Variants in RIMS2 observed in about 807,000 individuals in gnomAD.
The protein encoded by RIMS2 is regulating synaptic membrane exocytosis protein 2.
In RIMS2, 59 loss-of-function variants were observed where a neutral mutation model predicts 174.4. The ratio of observed to expected loss-of-function variants is 0.34; its 90% CI spans 0.27 to 0.42. The LOEUF (loss-of-function observed/expected upper bound fraction) is 0.42. RIMS2 is among the 10% of genes least tolerant of loss of function. RIMS2 has a pLI of 1.00. For synonymous variants in RIMS2, 606 were observed against 572.5 expected (o/e 1.06, Z -0.84); for missense variants, 1,620 against 1,666.3 (o/e 0.97, Z 0.48).
intron 1 of RIMS2, among the ~76,000 whole-genome samples, chr8:103,678,651 G>T (rs1027489575): frequency 4.9e-4 from 75 of 152,088 alleles, no homozygotes; most frequent in African/African-American, 1.5e-3. Flanking sequence ...ATAGAACATG[G>T]AAATATTTAT....
intron 19 of RIMS2, among the ~76,000 whole-genome samples, chr8:104,226,559 T>A (rs1385024478): frequency 6.6e-6 from 1 of 152,210 alleles, no homozygotes; most frequent in African/African-American, 2.4e-5. Context: ...CTCTCAGAGC[T>A]TTCAGCCTAA....
At chr8:103,604,574 G>A (rs1336288396) in intron 1 of RIMS2, among the ~76,000 whole-genome samples, 8 of 151,310 alleles carry the variant, frequency 5.3e-5, no homozygotes, top group African/African-American at 9.8e-5. Flanking sequence ...CATTCAATCT[G>A]TAAATTACCT....
intron 4 of RIMS2, among the ~76,000 whole-genome samples, chr8:103,886,971 T>G (rs1327805697): frequency 6.6e-6 from 1 of 151,808 alleles, no homozygotes; most frequent in Admixed American, 6.6e-5. Flanking sequence ...CTTGAGTATT[T>G]CAAAAATATA....
chr8:103,989,496 A>G (rs17817675), intron 17 of RIMS2, 75 bp downstream of exon 19: 114,580 of 717,246 alleles, frequency 0.16, 10,946 homozygotes, highest in Non-Finnish European at 0.2. Context: ...ACCATAAAAT[A>G]TTTTCACATA....
chr8:103,899,460 T>C (rs187765898), intron 4 of RIMS2, among the ~76,000 whole-genome samples: 3 of 151,812 alleles, frequency 2.0e-5, no homozygotes, highest in African/African-American at 7.3e-5. Flanking sequence ...GATTTGCATT[T>C]CTCTGATGGC....
rs150779238 is a variant in RIMS2, at chr8:103,992,451, GT to G, written c.3044+3033del. On this transcript the variant is annotated intron_variant, in intron 17 of 23. Coordinates refer to ENST00000504942, the Ensembl canonical transcript of RIMS2. ...CATGTAGTTTTTTGTTTGTTTGTTT[GT>G]TTGTTTTTTAAGTTTTGTGTAGAAT... Among the ~76,000 whole-genome samples, 1,184 of 151,724 alleles carry G rather than the reference GT, an allele frequency of 7.8e-3. 26 individuals are homozygous for G. Among genetic ancestry groups the G allele is most frequent in the African/African-American group, 0.027 (1,118 of 41,408 alleles).
At chr8:103,651,489 T>C (rs902360414) in intron 1 of RIMS2, among the ~76,000 whole-genome samples, 1 of 152,220 alleles carries the variant, frequency 6.6e-6, no homozygotes, top group East Asian at 1.9e-4. Context: ...TCTCAGAGAA[T>C]TAGAAAGTAG....
chr8:103,640,506 A>C (rs2096206122), intron 1 of RIMS2, among the ~76,000 whole-genome samples: 1 of 152,050 alleles, frequency 6.6e-6, no homozygotes, highest in East Asian at 1.9e-4. Context: ...AAAATGCTAG[A>C]AATTTTCATC....
intron 14 of RIMS2, among the ~76,000 whole-genome samples, chr8:103,949,905 G>A (rs72681397): frequency 0.13 from 19,299 of 152,002 alleles, 1,691 homozygotes; most frequent in Non-Finnish European, 0.19. Flanking sequence ...GATCAGCAAA[G>A]AAAGAAGACA....
intron 1 of RIMS2, among the ~76,000 whole-genome samples, chr8:103,619,535 G>A (rs546977763): frequency 6.6e-6 from 1 of 152,050 alleles, no homozygotes; most frequent in East Asian, 1.9e-4. Flanking sequence ...AAACTTTTAA[G>A]CAGCAGAAAA....
chr8:104,134,549 C>A (rs2098502541), intron 19 of RIMS2, among the ~76,000 whole-genome samples: 1 of 152,192 alleles, frequency 6.6e-6, no homozygotes, highest in African/African-American at 2.4e-5. Flanking sequence ...CCATTGAGTG[C>A]AAAGTTTACT....
chr8:104,223,495 C>T (rs1358237418), intron 19 of RIMS2: 13 of 1,387,440 alleles, frequency 9.4e-6, no homozygotes, highest in Middle Eastern at 2.7e-4. Flanking sequence ...CACGTCTCCT[C>T]CGGGCTGGGT....
At chr8:103,658,590 G>T (rs921217063) in intron 1 of RIMS2, among the ~76,000 whole-genome samples, 1 of 152,088 alleles carries the variant, frequency 6.6e-6, no homozygotes, top group African/African-American at 2.4e-5. Context: ...TCCTGTTTAA[G>T]GACTCCCAGT....
intron 2 of RIMS2, among the ~76,000 whole-genome samples, chr8:103,737,077 C>T (rs1001263897): frequency 6.6e-6 from 1 of 151,418 alleles, no homozygotes; most frequent in African/African-American, 2.4e-5. Context: ...GCATCTCAAA[C>T]TTAATATGCA....
intron 19 of RIMS2, among the ~76,000 whole-genome samples, chr8:104,104,678 G>C (rs1598949033): frequency 6.6e-6 from 1 of 152,152 alleles, no homozygotes; most frequent in Non-Finnish European, 1.5e-5. Flanking sequence ...GGCCAAGGCA[G>C]TTAAATAGCT....
chr8:103,921,718 T>C (rs1334735207), exon 10 of RIMS2: 2 of 1,580,234 alleles, frequency 1.3e-6, no homozygotes, highest in South Asian at 1.1e-5. Flanking sequence ...CTTCTATTTC[T>C]GTTACCTCTC....
intron 19 of RIMS2, among the ~76,000 whole-genome samples, chr8:104,050,202 T>G (rs2096762764): frequency 6.6e-6 from 1 of 152,174 alleles, no homozygotes; most frequent in Non-Finnish European, 1.5e-5. Context: ...AAAGATATTT[T>G]ATATTCCAAA....
intron 3 of RIMS2, among the ~76,000 whole-genome samples, chr8:103,864,181 T>C (rs1389171099): frequency 6.6e-6 from 1 of 152,164 alleles, no homozygotes; most frequent in Non-Finnish European, 1.5e-5. Flanking sequence ...CTCAGTTTCA[T>C]TTAGTTCATC....
At chr8:103,634,433 GT>G (rs879701274) in intron 1 of RIMS2, among the ~76,000 whole-genome samples, 1 of 152,170 alleles carries the variant, frequency 6.6e-6, no homozygotes, top group East Asian at 1.9e-4. Flanking sequence ...ATTATTTTAT[GT>G]TTAATTATGT....
Sources: allele counts gnomAD v4.1 joint callset (sites outside exome capture counted in the v4.1 genomes callset), GRCh38; gene constraint gnomAD v4.1.1; transcripts MANE v1.5; gene names NCBI Gene and HGNC (gene_info 2026-07-23, HGNC 2026-07-21).